Variants in LEMD3 observed in about 807,000 individuals in gnomAD.
LEMD3 encodes the protein LEM domain containing 3, also known as inner nuclear membrane protein Man1.
LEMD3 carries 33 observed loss-of-function variants against 95.2 expected under a neutral mutation model. That is an observed-to-expected ratio of 0.35 (90% CI 0.26 to 0.46). LEMD3 has a LOEUF of 0.46. LEMD3 is among the 20% of genes least tolerant of loss of function. The pLI is 1.00. For missense variants in LEMD3, 1,210 were observed against 1,192.8 expected (o/e 1.01, Z -0.21); for synonymous variants, 525 against 474.6 (o/e 1.11, Z -1.38).
At chr12:65,211,285 A>G (rs1230648703) in intron 2 of LEMD3, among the ~76,000 whole-genome samples, 1 of 152,122 alleles carries the variant, frequency 6.6e-6, no homozygotes, top group Non-Finnish European at 1.5e-5. Flanking sequence ...CTTGTCTTAC[A>G]CTTAGAAGTA....
intron 4 of LEMD3, among the ~76,000 whole-genome samples, chr12:65,233,321 C>A (rs1870685026): frequency 6.6e-6 from 1 of 152,120 alleles, no homozygotes. Context: ...GGGTTAGGAT[C>A]TGAAAAAGTG....
At chr12:65,187,489 A>T (rs1479868889) in intron 1 of LEMD3, among the ~76,000 whole-genome samples, 1 of 152,112 alleles carries the variant, frequency 6.6e-6, no homozygotes, top group African/African-American at 2.4e-5. Context: ...GAGTGCAGAT[A>T]ATCTGACTCC....
intron 1 of LEMD3, among the ~76,000 whole-genome samples, chr12:65,206,262 A>T (rs565112300): frequency 6.6e-6 from 1 of 152,312 alleles, no homozygotes; most frequent in East Asian, 1.9e-4. Flanking sequence ...ATAACTGCTC[A>T]TTCAGGCATC....
At chr12:65,205,503 A>G (rs1869735425) in intron 1 of LEMD3, among the ~76,000 whole-genome samples, 1 of 152,170 alleles carries the variant, frequency 6.6e-6, no homozygotes, top group Non-Finnish European at 1.5e-5. Flanking sequence ...AGTTTTCTTT[A>G]TAGTCTTAGT....
intron 1 of LEMD3, among the ~76,000 whole-genome samples, chr12:65,188,378 T>C (rs1869131448): frequency 6.6e-6 from 1 of 152,126 alleles, no homozygotes; most frequent in African/African-American, 2.4e-5. Context: ...GATTTATGAA[T>C]TGGGCAATAC....
Position 65,219,290 on chromosome 12 carries a change from A to G in LEMD3, c.1695+671A>G, listed in dbSNP as rs184917206. Among the ~76,000 whole-genome samples, 5 of 152,310 alleles carry G rather than the reference A, an allele frequency of 3.3e-5. No homozygotes were observed. The East Asian group carries it at 9.6e-4, about 29-fold the overall frequency. On this transcript the variant is annotated intron_variant, in intron 4 of 12. Transcript: ENST00000308330. ...AAATACTAAGAGAACTTGCTGTTGA[A>G]TTTTCTAAACTACTGTAAATAATTT...
chr12:65,169,766 G>T lies in LEMD3; in HGVS notation c.170G>T (p.Gly57Val). ...GAAGAGCAGCAACAGCACCGGTCAGGGGGCCGCGGCAACAAGACGCGGAAC... is the reference window on the plus strand; with the variant it reads ...GAAGAGCAGCAACAGCACCGGTCAGTGGGCCGCGGCAACAAGACGCGGAAC... ...REEEQQQHRS[G>V]GRGNKTRNSN... The change falls in exon 1 of 13, where the codon GGG becomes GTG. Residue 57 changes from glycine to valine, a missense_variant. Coordinates refer to ENST00000308330, the MANE Select transcript of LEMD3 (RefSeq NM_014319.5). The T allele has an allele frequency of 6.3e-7, 1 of 1,586,376 alleles. No individual in the cohort carries two copies. The highest frequency in any genetic ancestry group is 8.6e-7 in the Non-Finnish European group (1 of 1,165,938).
chr12:65,236,825 T>G (rs1870787566), intron 4 of LEMD3, among the ~76,000 whole-genome samples: 2 of 152,130 alleles, frequency 1.3e-5, no homozygotes, highest in African/African-American at 2.4e-5. Context: ...AAAAATAGGG[T>G]TTTTTCCATG....
intron 1 of LEMD3, among the ~76,000 whole-genome samples, chr12:65,199,899 G>T (rs1869541808): frequency 6.6e-6 from 1 of 152,042 alleles, no homozygotes; most frequent in South Asian, 2.1e-4. Flanking sequence ...AGTAATGAAT[G>T]AGAGTTCTGA....
chr12:65,181,747 T>C (rs1868910396), intron 1 of LEMD3, among the ~76,000 whole-genome samples: 1 of 152,132 alleles, frequency 6.6e-6, no homozygotes, highest in African/African-American at 2.4e-5. Flanking sequence ...GTAGGTTTTA[T>C]TTTTTGCAGG....
intron 2 of LEMD3, 81 bp from the exon 3 acceptor site, chr12:65,215,896 T>G (rs1592449903): frequency 2.8e-5 from 7 of 249,954 alleles, no homozygotes; most frequent in South Asian, 1.1e-4. Context: ...AAATTTACTG[T>G]TTTTTTTTTT....
chr12:65,176,352 A>C (rs1868719311), intron 1 of LEMD3, among the ~76,000 whole-genome samples: 1 of 152,186 alleles, frequency 6.6e-6, no homozygotes, highest in Non-Finnish European at 1.5e-5. Context: ...TAAGTCATGA[A>C]ATTTGTGCTT....
At chr12:65,244,198 C>T (rs1459639980) in intron 10 of LEMD3, among the ~76,000 whole-genome samples, 1 of 151,922 alleles carries the variant, frequency 6.6e-6, no homozygotes, top group Non-Finnish European at 1.5e-5. Flanking sequence ...TGATGAAATT[C>T]CAAATAAGTG....
chr12:65,182,687 T>C (rs778969647), intron 1 of LEMD3, among the ~76,000 whole-genome samples: 18 of 152,190 alleles, frequency 1.2e-4, no homozygotes, highest in Non-Finnish European at 1.9e-4. Flanking sequence ...TGCTGATCAC[T>C]AAAAGGTAGA....
chr12:65,178,886 T>C (rs749836761), intron 1 of LEMD3, among the ~76,000 whole-genome samples: 2 of 152,186 alleles, frequency 1.3e-5, no homozygotes, highest in Non-Finnish European at 2.9e-5. Flanking sequence ...CTGTGACAAG[T>C]ATAGATTCAT....
intron 4 of LEMD3, among the ~76,000 whole-genome samples, chr12:65,227,003 G>A (rs1419732198): frequency 8.6e-5 from 13 of 151,556 alleles, no homozygotes; most frequent in Non-Finnish European, 5.9e-5. Flanking sequence ...AAAATTTATG[G>A]ATAGTGTAAT....
rs1162062569 is a variant in LEMD3, at chr12:65,169,907, C to T, written c.311C>T (p.Pro104Leu). Reference sequence around the variant, plus strand: ...GGCGACCTCTCCTACTTACGGACTCCTGGGGGCCTGTGCCGAATCTCGGCC... The same window carrying T: ...GGCGACCTCTCCTACTTACGGACTCTTGGGGGCCTGTGCCGAATCTCGGCC... The part of the protein sequence containing the change: ...VSGDLSYLRT[P>L]GGLCRISASG... Residue 104 changes from proline to leucine, a missense_variant, in exon 1 of 13, where the codon CCT (proline) becomes CTT (leucine). Coordinates refer to ENST00000308330, the MANE Select transcript of LEMD3 (RefSeq NM_014319.5). 6.9e-7 allele frequency: 1 copy of T among 1,452,442 alleles called. No individual in the cohort carries two copies. The highest frequency in any genetic ancestry group is 1.5e-5 in the African/African-American group (1 of 68,416). The allele number at this position is 1,452,442 out of a possible 1,614,324, so 90.0% of individuals were successfully genotyped here. A position where few individuals can be genotyped will look rare whatever the true frequency, so the allele number is the denominator to read the frequency against.
At chr12:65,216,292 T>C (rs962612975) in intron 3 of LEMD3, among the ~76,000 whole-genome samples, 11 of 151,896 alleles carry the variant, frequency 7.2e-5, no homozygotes. Flanking sequence ...ATCAAATTTC[T>C]TTATTGCATC....
rs751409394 is a variant in LEMD3, at chr12:65,238,770, G to C, written c.1877G>C (p.Arg626Pro). 2 of 1,613,884 alleles carry C rather than the reference G, an allele frequency of 1.2e-6. No homozygotes were observed. The highest frequency in any genetic ancestry group is 1.7e-6 in the Non-Finnish European group (2 of 1,179,960). ...ATGTCTTTTTGGTGTCGTTTTCGAC[G>C]TGCTTTTGTTACTGTAACTCACAGA... ...PLMSFWCRFR[R>P]AFVTVTHRLL... The change falls in exon 6 of 13, where the codon CGT becomes CCT. Residue 626 changes from arginine to proline, a missense_variant. Physicochemically the swap from Arg to Pro is moderately radical, Grantham distance 103. Transcript: ENST00000308330.
Sources: gnomAD v4.1 joint callset for allele counts (sites outside exome capture counted in the v4.1 genomes callset) on GRCh38, gnomAD v4.1.1 for gene constraint, MANE v1.5 for transcripts, NCBI Gene and HGNC (gene_info 2026-07-23, HGNC 2026-07-21) for gene names.